The following IQCH variants were observed in gnomAD, a reference collection of about 807,000 sequenced individuals.
IQCH encodes the protein IQ domain-containing protein H.
Under a neutral mutation model 117.0 loss-of-function variants are expected in IQCH, and 98 were observed. The ratio of observed to expected loss-of-function variants is 0.84; its 90% CI spans 0.71 to 0.99. IQCH has a LOEUF of 0.99. Among genes scored for constraint, IQCH ranks in the 50% least tolerant of loss-of-function variants. The pLI is 0.00. For missense variants in IQCH, 1,102 were observed against 1,243.8 expected, an observed-to-expected ratio of 0.89 and a Z score of 1.72; for synonymous variants, 412 against 448.2, an observed-to-expected ratio of 0.92 and a Z score of 1.02.
At chr15:67,313,609 G>T (rs1344614119) in intron 4 of IQCH, among the ~76,000 whole-genome samples, 1 of 152,140 alleles carries the variant, frequency 6.6e-6, no homozygotes, top group East Asian at 1.9e-4. Context: ...GTAGAGAATA[G>T]TGAGAGTAAC....
rs148399091 is a variant in IQCH, at chr15:67,316,834, A to G, written c.388-20141A>G. On this transcript the variant is annotated intron_variant, in intron 4 of 20. Transcript: ENST00000335894. ...AACGTAGCATTCTTTATCCTTTTCT[A>G]TACTACCTTCCAGGTAGCTTTGAGG... Among the ~76,000 whole-genome samples the G allele has an allele frequency of 6.5e-3, 990 of 152,272 alleles. 11 individuals carry two copies. Among genetic ancestry groups the G allele is most frequent in the African/African-American group, 0.023 (949 of 41,546 alleles).
chr15:67,481,275 C>T lies in IQCH; in HGVS notation c.2799+5457C>T, dbSNP rs1330610410. Among the ~76,000 whole-genome samples the T allele has an allele frequency of 6.6e-6, 1 of 152,202 alleles. No individual in the cohort carries two copies. The highest frequency in any genetic ancestry group is 2.4e-5 in the African/African-American group (1 of 41,444). On this transcript the variant is annotated intron_variant, in intron 18 of 20. Transcript: ENST00000335894. This position sits in a 1 kb window ranked among gnomAD's most constrained non-coding sequence, Gnocchi z 4.1. ...AAAGAGGTTTAATTGACTCCCAGTT[C>T]TGCATGCCTGGGGAGGTCTCAGGAA...
Position 67,475,940 on chromosome 15 carries a change from G to C in IQCH, c.2799+122G>C, listed in dbSNP as rs1462871014. On this transcript the variant is annotated intron_variant, in intron 18 of 20. Coordinates refer to ENST00000335894, the MANE Select transcript of IQCH (RefSeq NM_001031715.3). The surrounding 1 kb of genome is among the most constrained non-coding windows in gnomAD (Gnocchi z 5.7). ...TAAATACCGGTTTGACGTGTCTGTA[G>C]AGGAAGGCTGATTGCTGCTTGGGGA... 1.2e-6 allele frequency: 1 copy of C among 820,018 alleles called. No individual in the cohort carries two copies. The highest frequency in any genetic ancestry group is 1.9e-6 in the Non-Finnish European group (1 of 519,792). 50.8% of individuals were successfully genotyped at this position (820,018 alleles called of 1,614,324 possible).
intron 8 of IQCH, among the ~76,000 whole-genome samples, chr15:67,362,537 G>T (rs1970179544): frequency 6.6e-6 from 1 of 152,196 alleles, no homozygotes; most frequent in South Asian, 2.1e-4. Flanking sequence ...GGGTGAGTCA[G>T]CTGAACTGTT....
chr15:67,330,576 A>T (rs938044822), intron 4 of IQCH, among the ~76,000 whole-genome samples: 4 of 152,166 alleles, frequency 2.6e-5, no homozygotes, highest in African/African-American at 7.2e-5. Context: ...GAAAGCTGGC[A>T]GAGTGGTAGG....
intron 16 of IQCH, among the ~76,000 whole-genome samples, chr15:67,455,058 C>T (rs984471963): frequency 3.3e-5 from 5 of 152,164 alleles, no homozygotes; most frequent in Admixed American, 6.5e-5. Flanking sequence ...CATATCTTTG[C>T]CAACACTTGT....
At chr15:67,258,912 G>C (rs957090483) in intron 1 of IQCH, among the ~76,000 whole-genome samples, 5 of 152,110 alleles carry the variant, frequency 3.3e-5, no homozygotes, top group Non-Finnish European at 5.9e-5. Context: ...TTTTTCTATA[G>C]TATTTGTCTC....
At chr15:67,290,031 T>C (rs904245285) in intron 4 of IQCH, among the ~76,000 whole-genome samples, 27 of 152,088 alleles carry the variant, frequency 1.8e-4, no homozygotes, top group Admixed American at 1.5e-3. Flanking sequence ...ACTTGTGAAG[T>C]TGAATCTTTT....
chr15:67,258,641 A>G (rs1211479668), intron 1 of IQCH, among the ~76,000 whole-genome samples: 1 of 152,218 alleles, frequency 6.6e-6, no homozygotes, highest in Non-Finnish European at 1.5e-5. Context: ...TTGACAATAT[A>G]GAGTCTGGTT....
At chr15:67,362,231 GT>G (rs978802916) in intron 8 of IQCH, among the ~76,000 whole-genome samples, 11 of 151,658 alleles carry the variant, frequency 7.3e-5, no homozygotes, top group Non-Finnish European at 1.6e-4. Context: ...GTCCGTGGTA[GT>G]TTTTTATATT....
chr15:67,446,179 A>G (rs745922504), intron 16 of IQCH, among the ~76,000 whole-genome samples: 3 of 152,232 alleles, frequency 2.0e-5, no homozygotes, highest in Non-Finnish European at 4.4e-5. Flanking sequence ...GAAAGCACCA[A>G]TGTATATATT....
chr15:67,398,882 T>C (rs1311245895), intron 13 of IQCH, among the ~76,000 whole-genome samples: 1 of 152,150 alleles, frequency 6.6e-6, no homozygotes, highest in Non-Finnish European at 1.5e-5. Context: ...TTCTGGGAAG[T>C]ATAGACTGGA....
chr15:67,293,299 A>C (rs988429880), intron 4 of IQCH, among the ~76,000 whole-genome samples: 3 of 152,180 alleles, frequency 2.0e-5, no homozygotes, highest in African/African-American at 7.2e-5. Flanking sequence ...AGTCATTAGG[A>C]AAACAAAAAA....
At chr15:67,308,907 G>A (rs1019226585) in intron 4 of IQCH, among the ~76,000 whole-genome samples, 1 of 152,052 alleles carries the variant, frequency 6.6e-6, no homozygotes, top group Non-Finnish European at 1.5e-5. Flanking sequence ...TCTAGCTGTA[G>A]TGAGTTCTTT....
At position 67,312,538 on chromosome 15, in the gene IQCH, A is replaced by G. The variant is rs563413807; in HGVS notation, c.388-24437A>G. 5.3e-5 allele frequency among the ~76,000 whole-genome samples: 8 copies of G among 152,280 alleles called. No homozygotes were observed. The East Asian group carries it at 1.2e-3, about 22-fold the overall frequency. The stretch of plus-strand genomic sequence containing the variant: ...CCACTTCTCTTAGTTGATGGTGCCA[A>G]AAATCTATGGAAAAGTGGATACGTC... On this transcript the variant is annotated intron_variant, in intron 4 of 20. Transcript: ENST00000335894.
chr15:67,346,777 T>G (rs764532012), intron 6 of IQCH, among the ~76,000 whole-genome samples: 4 of 152,166 alleles, frequency 2.6e-5, no homozygotes, highest in Non-Finnish European at 5.9e-5. Flanking sequence ...CATGGAACAT[T>G]CACCAAAATA....
intron 1 of IQCH, among the ~76,000 whole-genome samples, chr15:67,256,245 G>T (rs985609591): frequency 3.9e-5 from 6 of 152,186 alleles, no homozygotes; most frequent in Non-Finnish European, 5.9e-5. Flanking sequence ...TATCCCTGTG[G>T]AGTCATTGAC....
In IQCH at chr15:67,467,245, G is replaced by A. The variant is rs2082957010; in HGVS notation, c.2676+1948G>A. On this transcript the variant is annotated intron_variant, in intron 17 of 20. Coordinates refer to ENST00000335894, the MANE Select transcript of IQCH (RefSeq NM_001031715.3). This position sits in a 1 kb window ranked among gnomAD's most constrained non-coding sequence, Gnocchi z 5.7. ...CTCAAAAAATAAAAATAAAAATAAA[G>A]CTGGAAGCAGAGTGGTATTCAGCAC... Among the ~76,000 whole-genome samples, 1 of 151,994 alleles carries A rather than the reference G, an allele frequency of 6.6e-6. No individual in the cohort carries two copies. The highest frequency in any genetic ancestry group is 2.4e-5 in the African/African-American group (1 of 41,374).
chr15:67,261,712 G>A lies in IQCH; in HGVS notation c.174+318G>A, dbSNP rs184615899. On this transcript the variant is annotated intron_variant, in intron 2 of 20. Transcript: ENST00000335894. ...GATCTTAGCCAAAAGGCCAAGAAGC[G>A]ATGAAAAATAATTACTGTCAATCCA... Among the ~76,000 whole-genome samples, 22 of 152,292 alleles carry A rather than the reference G, an allele frequency of 1.4e-4. No homozygotes were observed. The East Asian group carries it at 2.7e-3, about 19-fold the overall frequency.
Sources: gnomAD v4.1 joint callset for allele counts (sites outside exome capture counted in the v4.1 genomes callset) on GRCh38, gnomAD v4.1.1 for gene constraint, Gnocchi (gnomAD v3.1) non-coding constraint, MANE v1.5 for transcripts, NCBI Gene and HGNC (gene_info 2026-07-23, HGNC 2026-07-21) for gene names.